Variants in NALF1 observed in about 807,000 individuals in gnomAD.
NALF1 encodes the protein NALCN channel auxiliary factor 1, also known as family with sequence similarity 155 member A.
In NALF1, 3 loss-of-function variants were observed where a neutral mutation model predicts 48.4. That is an observed-to-expected ratio of 0.06 (90% CI 0.03 to 0.16). The LOEUF is 0.16. Ranked by LOEUF, NALF1 falls within the 10% of genes least tolerant of loss-of-function variation. The probability of loss-of-function intolerance (pLI) is 1.00; values close to 1 mark genes in which losing one functional copy is unlikely to be tolerated. For synonymous variants in NALF1, 262 were observed against 245.7 expected, an observed-to-expected ratio of 1.07 and a Z score of -0.62; for missense variants, 526 against 571.5, an observed-to-expected ratio of 0.92 and a Z score of 0.81.
At chr13:107,415,377 G>C (rs1376434890) in intron 1 of NALF1, among the ~76,000 whole-genome samples, 1 of 150,096 alleles carries the variant, frequency 6.7e-6, no homozygotes, top group Non-Finnish European at 1.5e-5. Context: ...CATAAGGAGA[G>C]AGTTTTTTTT....
chr13:107,659,507 G>T (rs1156422980), intron 1 of NALF1, among the ~76,000 whole-genome samples: 2 of 104,846 alleles, frequency 1.9e-5, no homozygotes, highest in South Asian at 3.3e-4. Flanking sequence ...GCATTTATTT[G>T]GCATCTTTTT....
intron 1 of NALF1, among the ~76,000 whole-genome samples, chr13:107,427,914 C>A (rs1427499537): frequency 2.0e-5 from 3 of 152,176 alleles, no homozygotes; most frequent in African/African-American, 7.2e-5. Context: ...AATTCAATTT[C>A]ACAAGCATGT....
intron 1 of NALF1, among the ~76,000 whole-genome samples, chr13:107,664,699 A>C (rs1445794682): frequency 6.6e-6 from 1 of 152,212 alleles, no homozygotes; most frequent in East Asian, 1.9e-4. Context: ...TCTTCAATGC[A>C]TTCTGTGGAG....
At chr13:107,481,516 A>G (rs1238650616) in intron 1 of NALF1, among the ~76,000 whole-genome samples, 1 of 152,202 alleles carries the variant, frequency 6.6e-6, no homozygotes, top group Non-Finnish European at 1.5e-5. Context: ...AAGCATGTAA[A>G]CAGGTACTGA....
chr13:107,300,794 A>G (rs530908975), intron 1 of NALF1, among the ~76,000 whole-genome samples: 1 of 152,320 alleles, frequency 6.6e-6, no homozygotes, highest in East Asian at 1.9e-4. Flanking sequence ...AGGTTTACCT[A>G]CCTCTGGCAG....
At chr13:107,559,192 G>C (rs1215978877) in intron 1 of NALF1, among the ~76,000 whole-genome samples, 1 of 152,174 alleles carries the variant, frequency 6.6e-6, no homozygotes, top group Non-Finnish European at 1.5e-5. Flanking sequence ...AACTCAGCCA[G>C]TGTTATTAAA....
chr13:107,627,424 A>G (rs761914505), intron 1 of NALF1, among the ~76,000 whole-genome samples: 1 of 152,040 alleles, frequency 6.6e-6, no homozygotes, highest in Non-Finnish European at 1.5e-5. Context: ...CCATGATTCA[A>G]TAGGAAGTCA....
chr13:107,480,523 A>G (rs965741886), intron 1 of NALF1, among the ~76,000 whole-genome samples: 1 of 152,170 alleles, frequency 6.6e-6, no homozygotes, highest in African/African-American at 2.4e-5. Flanking sequence ...GGCCACAGTG[A>G]AAGAAGAATT....
chr13:107,573,526 T>C (rs1327386053), intron 1 of NALF1, among the ~76,000 whole-genome samples: 1 of 152,160 alleles, frequency 6.6e-6, no homozygotes, highest in Non-Finnish European at 1.5e-5. Context: ...TATGGAAACG[T>C]AGCTAATTTC....
At chr13:107,458,973 G>A (rs1035174539) in intron 1 of NALF1, among the ~76,000 whole-genome samples, 4 of 151,830 alleles carry the variant, frequency 2.6e-5, no homozygotes, top group African/African-American at 4.8e-5. Context: ...AGGTACATCT[G>A]TTATAATTGA....
chr13:107,541,511 G>A (rs574975952), intron 1 of NALF1, among the ~76,000 whole-genome samples: 1 of 152,202 alleles, frequency 6.6e-6, no homozygotes, highest in African/African-American at 2.4e-5. Context: ...AGGGAGGGAT[G>A]GAAAGACAGA....
rs749709340 is a variant in NALF1, at chr13:107,866,192, C to G, written c.405G>C (p.Pro135=). 1 of 1,602,810 alleles carries G rather than the reference C, an allele frequency of 6.2e-7. No homozygotes were observed. The highest frequency in any genetic ancestry group is 8.5e-7 in the Non-Finnish European group (1 of 1,175,154). Residue 135 remains proline, a synonymous_variant, in exon 1 of 3, where the codon CCG becomes CCC. Transcript: ENST00000375915. The surrounding 1 kb of genome is among the most constrained non-coding windows in gnomAD (Gnocchi z 4.4). ...ASSSPTLPPS[P]GDGGGGGGKG... ...TGCCGCCGCCGCCGCCGCCGTCTCC[C>G]GGGGAGGGGGGCAGGGTGGGGGACG...
At chr13:107,849,703 C>CA (rs1880261996) in intron 1 of NALF1, among the ~76,000 whole-genome samples, 2 of 152,244 alleles carry the variant, frequency 1.3e-5, no homozygotes, top group African/African-American at 4.8e-5. Context: ...CTGCCCTACT[C>CA]ACTCTCAATT....
chr13:107,540,194 T>C (rs1381468223), intron 1 of NALF1, among the ~76,000 whole-genome samples: 4 of 152,124 alleles, frequency 2.6e-5, no homozygotes, highest in African/African-American at 9.7e-5. Flanking sequence ...TGGTTGTGAA[T>C]GGCATTCTCT....
intron 1 of NALF1, among the ~76,000 whole-genome samples, chr13:107,783,786 G>C (rs1428029692): frequency 9.3e-5 from 14 of 150,482 alleles, no homozygotes; most frequent in Non-Finnish European, 1.8e-4. Context: ...TTGTTTATCT[G>C]CTGACCTTCC....
In NALF1 at chr13:107,165,868, C is replaced by G. The variant is rs1233951709; in HGVS notation, c.*4629G>C. ...ATGGAGATATTTTGAGAGTCTGTTTCCCTTGTCAAAGTAGATATGGTTTTT... is the reference window on the plus strand; with the variant it reads ...ATGGAGATATTTTGAGAGTCTGTTTGCCTTGTCAAAGTAGATATGGTTTTT... On this transcript the variant is annotated 3_prime_UTR_variant, in exon 3 of 3. Transcript: ENST00000375915. 1 of 152,076 alleles carries G rather than the reference C, an allele frequency of 6.6e-6. No homozygotes were observed. The highest frequency in any genetic ancestry group is 2.4e-5 in the African/African-American group (1 of 41,410). The allele number at this position is 152,076 out of a possible 1,614,324, so 9.4% of individuals were successfully genotyped here.
At chr13:107,212,743 TG>T (rs2138806724) in intron 1 of NALF1, among the ~76,000 whole-genome samples, 1 of 152,344 alleles carries the variant, frequency 6.6e-6, no homozygotes, top group East Asian at 1.9e-4. Flanking sequence ...ATGTATCCTC[TG>T]ATTCCTGGGC....
At chr13:107,579,675 AT>A (rs1201933354) in intron 1 of NALF1, among the ~76,000 whole-genome samples, 3 of 8,968 alleles carry the variant, frequency 3.3e-4, no homozygotes, top group Non-Finnish European at 1.4e-3. Context: ...CTGATTTCAT[AT>A]TTTTTTTTTA....
At chr13:107,490,131 G>A (rs918192610) in intron 1 of NALF1, among the ~76,000 whole-genome samples, 3 of 152,150 alleles carry the variant, frequency 2.0e-5, no homozygotes, top group Admixed American at 1.3e-4. Context: ...GTTGATGGGA[G>A]AGTAAATTAG....
Sources: gnomAD v4.1 joint callset for allele counts (sites outside exome capture counted in the v4.1 genomes callset) on GRCh38, gnomAD v4.1.1 for gene constraint, Gnocchi (gnomAD v3.1) non-coding constraint, MANE v1.5 for transcripts, NCBI Gene and HGNC (gene_info 2026-07-23, HGNC 2026-07-21) for gene names.